The following ATL3 variants were observed in gnomAD, a reference collection of about 807,000 sequenced individuals.
The protein encoded by ATL3 is atlastin-3.
Under a neutral mutation model 69.5 loss-of-function variants are expected in ATL3, and 49 were observed. That is an observed-to-expected ratio of 0.71 (90% CI 0.56 to 0.89). The LOEUF is 0.89. ATL3 is among the 40% of genes least tolerant of loss of function. ATL3 has a pLI of 0.00. For missense variants in ATL3, 606 were observed against 645.7 expected (o/e 0.94, Z 0.67); for synonymous variants, 214 against 224.1 (o/e 0.95, Z 0.40).
intron 5 of ATL3, among the ~76,000 whole-genome samples, chr11:63,651,481 C>G (rs1940077957): frequency 6.6e-6 from 1 of 152,116 alleles, no homozygotes; most frequent in Admixed American, 6.6e-5. Context: ...AACATCATTG[C>G]TGACGACCCT....
intron 5 of ATL3, among the ~76,000 whole-genome samples, chr11:63,651,262 C>T (rs749805334): frequency 9.2e-5 from 14 of 151,958 alleles, no homozygotes; most frequent in Non-Finnish European, 1.9e-4. Context: ...TGAGACCAGC[C>T]GGACCGACAT....
intron 8 of ATL3, among the ~76,000 whole-genome samples, chr11:63,638,659 C>T (rs577807301): frequency 1.6e-4 from 24 of 151,746 alleles, no homozygotes; most frequent in Non-Finnish European, 2.8e-4. Flanking sequence ...GAGCTGAGAT[C>T]GCACCACTGC....
chr11:63,640,845 G>A (rs1213913059), intron 8 of ATL3, among the ~76,000 whole-genome samples: 9 of 151,784 alleles, frequency 5.9e-5, no homozygotes, highest in African/African-American at 1.9e-4. Context: ...CAGGTGATTC[G>A]TCCACCTTGG....
chr11:63,659,389 A>C lies in ATL3; in HGVS notation c.47-137T>G. On this transcript the variant is annotated intron_variant, in intron 1 of 12. Transcript: ENST00000398868. ...TGCCTATAATCACAGCACTTTGGGA[A>C]ACCAAAGCAGAAAGATTACTTGAGG... The C allele has an allele frequency of 8.8e-6, 6 of 682,798 alleles. No homozygotes were observed. In the South Asian group the frequency reaches 1.2e-4, roughly 13 times the overall value. 42.3% of individuals were successfully genotyped at this position (682,798 alleles called of 1,614,324 possible).
In ATL3 at chr11:63,663,295, T is replaced by A. The variant is rs545874082; in HGVS notation, c.47-4043A>T. Among the ~76,000 whole-genome samples the A allele has an allele frequency of 3.3e-5, 5 of 152,138 alleles. No individual in the cohort carries two copies. In the South Asian group the frequency reaches 1.0e-3, roughly 32 times the overall value. On this transcript the variant is annotated intron_variant, in intron 1 of 12. Transcript: ENST00000398868. ...CACCATGCCTGGCTAATTTTTTAAT[T>A]TTTTTGTAGAGATGGGGGTCTCATT...
chr11:63,630,292 T>A (rs536790456), intron 12 of ATL3, among the ~76,000 whole-genome samples: 1 of 149,650 alleles, frequency 6.7e-6, no homozygotes, highest in South Asian at 2.1e-4. Flanking sequence ...GGGCATGGTG[T>A]CAGGCACCTA....
chr11:63,665,469 G>A (rs1477615408), intron 1 of ATL3, among the ~76,000 whole-genome samples: 2 of 152,044 alleles, frequency 1.3e-5, no homozygotes, highest in Non-Finnish European at 2.9e-5. Flanking sequence ...TCCTCTCCCT[G>A]TAGCACGGTA....
chr11:63,658,969 T>C, intron 2 of ATL3, 65 bp from the exon 3 acceptor site: 1 of 1,598,000 alleles, frequency 6.3e-7, no homozygotes, highest in Non-Finnish European at 8.6e-7. Context: ...GGATAATCTA[T>C]GAGCTTATTT....
intron 1 of ATL3, among the ~76,000 whole-genome samples, chr11:63,664,639 T>A (rs1489559547): frequency 6.6e-6 from 1 of 151,558 alleles, no homozygotes; most frequent in Non-Finnish European, 1.5e-5. Flanking sequence ...TTTTTTTTTT[T>A]TGAGACGGAG....
chr11:63,646,156 C>A (rs1318907300), intron 6 of ATL3, among the ~76,000 whole-genome samples: 1 of 152,124 alleles, frequency 6.6e-6, no homozygotes, highest in Non-Finnish European at 1.5e-5. Flanking sequence ...CCCCAAAGTG[C>A]TGGGATTACA....
At chr11:63,635,364 T>C (rs1328159659) in intron 10 of ATL3, among the ~76,000 whole-genome samples, 170 bp downstream of exon 10, 1 of 151,224 alleles carries the variant, frequency 6.6e-6, no homozygotes, top group African/African-American at 2.4e-5. Context: ...ACAAGTGAAC[T>C]AGAAAAGGTC....
chr11:63,644,301 A>C (rs746819801), intron 6 of ATL3, 40 bp from the exon 7 acceptor site: 1 of 1,288,006 alleles, frequency 7.8e-7, no homozygotes, highest in African/African-American at 1.5e-5. Flanking sequence ...AACATGCATA[A>C]ACACATTTTC....
chr11:63,670,475 G>T (rs1308218868), intron 1 of ATL3: 1 of 152,112 alleles, frequency 6.6e-6, no homozygotes. Context: ...CTTCGATTTC[G>T]CAAGTGAAAC....
chr11:63,651,584 A>G (rs962680959), intron 5 of ATL3, among the ~76,000 whole-genome samples: 1 of 150,670 alleles, frequency 6.6e-6, no homozygotes, highest in Non-Finnish European at 1.5e-5. Flanking sequence ...TTCCTGTCAC[A>G]CTCTCCAATC....
intron 8 of ATL3, among the ~76,000 whole-genome samples, chr11:63,638,284 A>C (rs984931398): frequency 3.3e-5 from 5 of 152,206 alleles, no homozygotes; most frequent in Admixed American, 6.5e-5. Flanking sequence ...CTCCTGTGTT[A>C]ATTTCCAACT....
intron 10 of ATL3, 34 bp from the exon 11 acceptor site, chr11:63,633,131 T>C (rs750304802): frequency 1.9e-6 from 3 of 1,571,970 alleles, no homozygotes; most frequent in Non-Finnish European, 2.6e-6. Flanking sequence ...CTGTAAATCC[T>C]TCCTCTTTTA....
chr11:63,630,597 A>C (rs1039829790), intron 12 of ATL3, among the ~76,000 whole-genome samples: 3 of 152,042 alleles, frequency 2.0e-5, no homozygotes, highest in Non-Finnish European at 4.4e-5. Context: ...GGAGTTCGAG[A>C]CCAGCCTGGT....
intron 1 of ATL3, among the ~76,000 whole-genome samples, chr11:63,665,625 C>T (rs952506549): frequency 4.6e-5 from 7 of 152,206 alleles, no homozygotes; most frequent in East Asian, 1.9e-4. Context: ...TGGGAGGTCT[C>T]GCCTATAATC....
At position 63,628,259 on chromosome 11, in the gene ATL3, G is replaced by A. The variant is rs963237674; in HGVS notation, c.*1060C>T. 6.0e-5 allele frequency: 9 copies of A among 150,912 alleles called. No individual in the cohort carries two copies. The highest frequency in any genetic ancestry group is 1.3e-4 in the Non-Finnish European group (9 of 67,906). 9.3% of individuals were successfully genotyped at this position (150,912 alleles called of 1,614,324 possible). A position where few individuals can be genotyped will look rare whatever the true frequency, so the allele number is the denominator to read the frequency against. On this transcript the variant is annotated 3_prime_UTR_variant, in exon 13 of 13. Transcript: ENST00000398868. ...GTATCTAGCGCATTCCTTTTATTAT[G>A]AGCCACTCTGGCTTTTCAAGGCACG...
Sources: allele counts gnomAD v4.1 joint callset (sites outside exome capture counted in the v4.1 genomes callset), GRCh38; gene constraint gnomAD v4.1.1; transcripts MANE v1.5; gene names NCBI Gene and HGNC (gene_info 2026-07-23, HGNC 2026-07-21).